The following NRG1 variants were observed in gnomAD, a reference collection of about 807,000 sequenced individuals.
The protein encoded by NRG1 is pro-neuregulin-1, membrane-bound isoform.
In NRG1, 18 loss-of-function variants were observed where a neutral mutation model predicts 63.8. The ratio of observed to expected loss-of-function variants is 0.28; its 90% CI spans 0.19 to 0.42. NRG1 has a LOEUF of 0.42. Ranked by LOEUF, NRG1 falls within the 10% of genes least tolerant of loss-of-function variation. NRG1 has a pLI of 1.00. For synonymous variants in NRG1, 302 were observed against 301.3 expected, an observed-to-expected ratio of 1.00 and a Z score of -0.02; for missense variants, 762 against 814.7, an observed-to-expected ratio of 0.94 and a Z score of 0.79.
intron 1 of NRG1, among the ~76,000 whole-genome samples, chr8:32,031,156 G>A (rs139118527): frequency 0.016 from 2,488 of 152,290 alleles, 42 homozygotes; most frequent in Middle Eastern, 0.054. Context: ...GGCCCCTTGT[G>A]CTAGCATCAC....
chr8:32,227,516 A>C (rs1025878296), intron 1 of NRG1, among the ~76,000 whole-genome samples: 3 of 152,186 alleles, frequency 2.0e-5, no homozygotes, highest in Non-Finnish European at 4.4e-5. Context: ...GTTAGAGGTA[A>C]ACTGTTAAAG....
chr8:32,115,010 C>G (rs911755521), intron 1 of NRG1, among the ~76,000 whole-genome samples: 1 of 151,826 alleles, frequency 6.6e-6, no homozygotes, highest in African/African-American at 2.4e-5. Context: ...TGACAACCAC[C>G]CTTACAGTCA....
intron 1 of NRG1, among the ~76,000 whole-genome samples, chr8:31,924,080 C>A (rs1168697646): frequency 6.6e-6 from 1 of 152,128 alleles, no homozygotes; most frequent in Admixed American, 6.5e-5. Flanking sequence ...TTGGGTTGGG[C>A]ACAGTGGCTC....
At chr8:32,129,997 A>G (rs1834596536) in intron 1 of NRG1, among the ~76,000 whole-genome samples, 1 of 151,988 alleles carries the variant, frequency 6.6e-6, no homozygotes, top group African/African-American at 2.4e-5. Flanking sequence ...ATCACCAAAT[A>G]AACTATAAGC....
intron 5 of NRG1, among the ~76,000 whole-genome samples, chr8:32,684,325 C>A (rs1232432236): frequency 1.3e-5 from 2 of 152,128 alleles, no homozygotes; most frequent in Non-Finnish European, 2.9e-5. Context: ...GAGATAAACA[C>A]ACAGGAAAAA....
intron 1 of NRG1, among the ~76,000 whole-genome samples, chr8:32,491,914 G>A (rs1015173359): frequency 1.3e-5 from 2 of 152,102 alleles, no homozygotes; most frequent in African/African-American, 4.8e-5. Flanking sequence ...TTTTACTATA[G>A]CTTGTTCACT....
At chr8:32,151,051 A>AGAAGTGTAATAGC (rs1487125475) in intron 1 of NRG1, among the ~76,000 whole-genome samples, 2 of 152,272 alleles carry the variant, frequency 1.3e-5, no homozygotes, top group East Asian at 3.9e-4. Context: ...TGTTTCAGGA[A>AGAAGTGTAATAGC]GAAGTGTAAT....
intron 1 of NRG1, among the ~76,000 whole-genome samples, chr8:32,072,283 GAAA>G (rs765907624): frequency 7.9e-6 from 1 of 125,836 alleles, no homozygotes; most frequent in Admixed American, 8.1e-5. Flanking sequence ...CCTTGTGATT[GAAA>G]AAAAAAAAAA....
intron 1 of NRG1, among the ~76,000 whole-genome samples, chr8:32,083,116 A>G (rs116375853): frequency 0.013 from 2,047 of 152,278 alleles, 49 homozygotes; most frequent in African/African-American, 0.046. Flanking sequence ...ACTAAACCCA[A>G]CGTACTCACA....
At chr8:32,581,134 C>T (rs1840561437) in intron 1 of NRG1, among the ~76,000 whole-genome samples, 1 of 152,126 alleles carries the variant, frequency 6.6e-6, no homozygotes, top group Non-Finnish European at 1.5e-5. Flanking sequence ...GGTTTTCATA[C>T]TCAATTCTAT....
At chr8:32,379,680 T>C (rs906279373) in intron 1 of NRG1, among the ~76,000 whole-genome samples, 51 of 152,204 alleles carry the variant, frequency 3.4e-4, no homozygotes, top group African/African-American at 1.1e-3. Context: ...ACCTTATCAC[T>C]GAAGATATTA....
intron 1 of NRG1, among the ~76,000 whole-genome samples, chr8:32,180,898 G>T (rs1392203042): frequency 6.6e-6 from 1 of 151,976 alleles, no homozygotes; most frequent in Non-Finnish European, 1.5e-5. Flanking sequence ...CAACATCTCT[G>T]CATTTTCTCC....
At chr8:32,104,807 C>G (rs1266782685) in intron 1 of NRG1, among the ~76,000 whole-genome samples, 26 of 152,104 alleles carry the variant, frequency 1.7e-4, no homozygotes, top group Admixed American at 1.7e-3. Flanking sequence ...ACTGGAAGGT[C>G]TTCAGGGTAA....
chr8:32,326,622 C>T (rs895894464), intron 1 of NRG1, among the ~76,000 whole-genome samples: 13 of 152,114 alleles, frequency 8.5e-5, no homozygotes, highest in Non-Finnish European at 1.3e-4. Context: ...AGCCACCACG[C>T]GCAGCCAGCC....
chr8:32,284,793 C>G (rs1219778508), intron 1 of NRG1, among the ~76,000 whole-genome samples: 1 of 152,168 alleles, frequency 6.6e-6, no homozygotes, highest in East Asian at 1.9e-4. Flanking sequence ...AAGCAATCCT[C>G]TTGCTTCAAG....
chr8:31,826,473 C>T (rs1221749316), intron 1 of NRG1, among the ~76,000 whole-genome samples: 1 of 152,214 alleles, frequency 6.6e-6, no homozygotes, highest in African/African-American at 2.4e-5. Flanking sequence ...TGCCTTTGCT[C>T]CTCCTTCGTC....
At chr8:32,303,746 C>T (rs1855893983) in intron 1 of NRG1, among the ~76,000 whole-genome samples, 1 of 152,126 alleles carries the variant, frequency 6.6e-6, no homozygotes, top group African/African-American at 2.4e-5. Flanking sequence ...ATTTTAAATT[C>T]AGTTAATATT....
At position 32,756,538 on chromosome 8, in the gene NRG1, AC is replaced by A; in HGVS notation, c.921+10del. On this transcript the variant is annotated intron_variant, in intron 9 of 11. Transcript: ENST00000356819. ...ATGTCCAGCTGGTGAATGTACGTTG[AC>A]TCTGGCCAGTGGAAAAAACTGAGCC... 6.3e-7 allele frequency: 1 copy of A among 1,599,696 alleles called. No homozygotes were observed.
At chr8:32,364,506 A>T (rs1050003450) in intron 1 of NRG1, among the ~76,000 whole-genome samples, 1 of 152,148 alleles carries the variant, frequency 6.6e-6, no homozygotes, top group Non-Finnish European at 1.5e-5. Context: ...ATAATTTTTC[A>T]TGACTGATTT....
Sources: gnomAD v4.1 joint callset for allele counts (sites outside exome capture counted in the v4.1 genomes callset) on GRCh38, gnomAD v4.1.1 for gene constraint, MANE v1.5 for transcripts, NCBI Gene and HGNC (gene_info 2026-07-23, HGNC 2026-07-21) for gene names.